The following CEP112 variants were observed in gnomAD, a reference collection of about 807,000 sequenced individuals.
CEP112 encodes the protein centrosomal protein 112.
A neutral mutation model predicts 153.0 loss-of-function variants in CEP112; 127 were observed. The observed-to-expected ratio is 0.83, with a 90% confidence interval of 0.72 to 0.96. The LOEUF (loss-of-function observed/expected upper bound fraction) is 0.96. Ranked by LOEUF, CEP112 falls within the 40% of genes least tolerant of loss-of-function variation. CEP112 has a pLI of 0.00. For missense variants in CEP112, 1,089 were observed against 1,101.2 expected (o/e 0.99, Z 0.16); for synonymous variants, 358 against 374.4 (o/e 0.96, Z 0.51).
chr17:66,129,423 C>T (rs944573638), intron 6 of CEP112, among the ~76,000 whole-genome samples: 1 of 152,184 alleles, frequency 6.6e-6, no homozygotes, highest in Non-Finnish European at 1.5e-5. Context: ...CCTTCCCTCC[C>T]CTCCACCTCG....
At chr17:65,987,173 G>C (rs918600124) in intron 17 of CEP112, among the ~76,000 whole-genome samples, 2 of 152,114 alleles carry the variant, frequency 1.3e-5, no homozygotes, top group Non-Finnish European at 2.9e-5. Flanking sequence ...CCGTCTCTAT[G>C]AAATACAAGG....
chr17:65,768,519 T>C (rs372501172), intron 21 of CEP112, among the ~76,000 whole-genome samples: 17 of 152,098 alleles, frequency 1.1e-4, no homozygotes, highest in Non-Finnish European at 2.4e-4. Flanking sequence ...AGGAAAACTA[T>C]AGGCCAACCT....
chr17:66,075,344 C>T (rs993150540), intron 8 of CEP112, among the ~76,000 whole-genome samples: 4 of 151,894 alleles, frequency 2.6e-5, no homozygotes, highest in Admixed American at 6.6e-5. Flanking sequence ...CCAGTGTAAG[C>T]GGCACAATAT....
chr17:66,000,369 G>A (rs7208378), intron 17 of CEP112, among the ~76,000 whole-genome samples: 139,480 of 150,576 alleles, frequency 0.93, 64,831 homozygotes, highest in East Asian at 0.97. Flanking sequence ...TGTTAAGAAA[G>A]TGTTTGTGGT....
intron 17 of CEP112, among the ~76,000 whole-genome samples, chr17:65,965,760 G>A (rs868114117): frequency 6.6e-6 from 1 of 151,922 alleles, no homozygotes; most frequent in African/African-American, 2.4e-5. Flanking sequence ...GGACTCAAGC[G>A]ATCCACCCCG....
chr17:66,075,914 T>G (rs2067475790), intron 8 of CEP112, among the ~76,000 whole-genome samples: 1 of 152,198 alleles, frequency 6.6e-6, no homozygotes, highest in South Asian at 2.1e-4. Context: ...AGGGAGACCC[T>G]CCATTCCCAA....
At chr17:65,646,735 A>T (rs1328089169) in intron 24 of CEP112, among the ~76,000 whole-genome samples, 7 of 152,174 alleles carry the variant, frequency 4.6e-5, no homozygotes, top group Non-Finnish European at 1.0e-4. Flanking sequence ...CCCCAGGGGG[A>T]AGAGAATGCC....
At position 65,851,813 on chromosome 17, in the gene CEP112, T is replaced by C. The variant is rs1298496742; in HGVS notation, c.2385A>G (p.Thr795=). 6.2e-7 allele frequency: 1 copy of C among 1,610,214 alleles called. No homozygotes were observed. The highest frequency in any genetic ancestry group is 1.7e-5 in the Admixed American group (1 of 59,330). The part of the protein sequence containing the change: ...KKTHAAETEM[T]LEKANSKLKQ... ...TAGTTAAATATCTTACCTTTTCCAG[T>C]GTCATCTCTGTCTCAGCAGCATGAG... The change falls in exon 21 of 27, where the codon ACA becomes ACG. Residue 795 remains threonine, a synonymous_variant. Transcript: ENST00000535342.
intron 16 of CEP112, among the ~76,000 whole-genome samples, chr17:66,022,225 T>C (rs2065025832): frequency 6.6e-6 from 1 of 152,090 alleles, no homozygotes; most frequent in South Asian, 2.1e-4. Context: ...CCCAACATAC[T>C]TCATAGTTAT....
intron 6 of CEP112, among the ~76,000 whole-genome samples, chr17:66,128,556 A>T (rs1265758580): frequency 6.6e-6 from 1 of 152,176 alleles, no homozygotes; most frequent in Non-Finnish European, 1.5e-5. Flanking sequence ...TGGTTGAAGA[A>T]AATGGACAAC....
intron 8 of CEP112, among the ~76,000 whole-genome samples, chr17:66,088,670 A>G (rs2068029481): frequency 1.3e-5 from 2 of 152,098 alleles, no homozygotes; most frequent in Admixed American, 1.3e-4. Context: ...CAATCTCCAT[A>G]TTAACCCCTG....
At chr17:65,928,757 G>A (rs1196314809) in intron 18 of CEP112, among the ~76,000 whole-genome samples, 2 of 152,088 alleles carry the variant, frequency 1.3e-5, no homozygotes, top group African/African-American at 4.8e-5. Context: ...TCAGCTATTC[G>A]AGAGGCTAAG....
chr17:65,758,892 C>T lies in CEP112; in HGVS notation c.2395-8168G>A, dbSNP rs2052442786. ...GTCAGAGGCGTATGAACCAGAGCAA[C>T]TCCATCTTGAATAGGGGATGGGTAA... On this transcript the variant is annotated intron_variant, in intron 21 of 26. Transcript: ENST00000535342. Among the ~76,000 whole-genome samples, 4 of 152,194 alleles carry T rather than the reference C, an allele frequency of 2.6e-5. No individual in the cohort carries two copies. The South Asian group carries it at 8.3e-4, about 32-fold the overall frequency.
intron 23 of CEP112, among the ~76,000 whole-genome samples, chr17:65,736,908 C>G (rs1177709601): frequency 2.0e-5 from 3 of 152,172 alleles, no homozygotes; most frequent in Non-Finnish European, 4.4e-5. Flanking sequence ...TGGCCTGAAT[C>G]TGATCTAAAG....
At chr17:65,815,389 T>A (rs2056210620) in intron 21 of CEP112, among the ~76,000 whole-genome samples, 1 of 152,128 alleles carries the variant, frequency 6.6e-6, no homozygotes, top group Admixed American at 6.6e-5. Flanking sequence ...GATATGTTAA[T>A]CTTTACACCA....
intron 21 of CEP112, among the ~76,000 whole-genome samples, chr17:65,768,942 G>A (rs1324641620): frequency 1.3e-5 from 2 of 152,026 alleles, no homozygotes. Context: ...AGAACCATTA[G>A]ACAGTAAGAA....
intron 19 of CEP112, among the ~76,000 whole-genome samples, chr17:65,923,037 AAC>A (rs1041008110): frequency 1.6e-4 from 25 of 152,310 alleles, no homozygotes; most frequent in African/African-American, 5.8e-4. Context: ...CACTTCAGAT[AAC>A]AGTGTATTTC....
chr17:65,853,366 A>C (rs1598784293), intron 20 of CEP112, among the ~76,000 whole-genome samples: 1 of 151,476 alleles, frequency 6.6e-6, no homozygotes, highest in Admixed American at 6.6e-5. Flanking sequence ...TTATAAGGAC[A>C]CTGGTCATAC....
At chr17:65,946,592 T>A (rs7502389) in intron 18 of CEP112, among the ~76,000 whole-genome samples, 62,846 of 152,038 alleles carry the variant, frequency 0.41, 14,390 homozygotes, top group East Asian at 0.87. Flanking sequence ...CAATATCTGA[T>A]AACATAAGTT....
Sources: allele counts gnomAD v4.1 joint callset (sites outside exome capture counted in the v4.1 genomes callset), GRCh38; gene constraint gnomAD v4.1.1; transcripts MANE v1.5; gene names NCBI Gene and HGNC (gene_info 2026-07-23, HGNC 2026-07-21).